The following SPINK14 variants were observed in gnomAD, a reference collection of about 807,000 sequenced individuals.
SPINK14 encodes serine peptidase inhibitor Kazal type 14 (putative).
Under a neutral mutation model 14.2 loss-of-function variants are expected in SPINK14, and 6 were observed. The ratio of observed to expected loss-of-function variants is 0.42; its 90% CI spans 0.23 to 0.83. The LOEUF (loss-of-function observed/expected upper bound fraction) is 0.83, where lower values mean the gene tolerates loss of function less well. SPINK14 is among the 40% of genes least tolerant of loss of function. SPINK14 has a pLI of 0.28. For synonymous variants in SPINK14, 34 were observed against 36.8 expected (o/e 0.92, Z 0.27); for missense variants, 86 against 108.3 (o/e 0.79, Z 0.91).
rs2113283776 is a variant in SPINK14 at position 148,174,436 on chromosome 5, C to T, written c.248+66C>T. ...GTTATCCACAGCAATTACCATCTACCCTTCCTATCAAGTACATCAACCTTG... is the reference window on the plus strand; with the variant it reads ...GTTATCCACAGCAATTACCATCTACTCTTCCTATCAAGTACATCAACCTTG... On this transcript the variant is annotated intron_variant, in intron 4 of 4. Transcript: ENST00000356972. 2.2e-6 allele frequency: 2 copies of T among 906,276 alleles called. 1 individual carries two copies. Among genetic ancestry groups the T allele is most frequent in the Non-Finnish European group, 3.1e-6 (2 of 637,686 alleles). 56.1% of individuals were successfully genotyped at this position (906,276 alleles called of 1,614,324 possible).
intron 2 of SPINK14, among the ~76,000 whole-genome samples, chr5:148,170,412 G>A (rs1015268983): frequency 3.3e-5 from 5 of 152,114 alleles, no homozygotes; most frequent in Middle Eastern, 6.8e-3. Context: ...GATTTGCTGT[G>A]TATTTGACTG....
At position 148,173,633 on chromosome 5, in the gene SPINK14, T is replaced by A. The variant is rs989739528; in HGVS notation, c.112-601T>A. Among the ~76,000 whole-genome samples the A allele has an allele frequency of 4.1e-5, 4 of 96,748 alleles. 1 individual carries two copies. Among genetic ancestry groups the A allele is most frequent in the African/African-American group, 1.7e-4 (4 of 23,442 alleles). The allele number at this position is 96,748 out of a possible 152,430, so 63.5% of individuals were successfully genotyped here. ...CTAATAATTGGGGCATAAAGAAGAC[T>A]GAGAGAGAAGCCCCAGATAAATAAT... On this transcript the variant is annotated intron_variant, in intron 3 of 4. Transcript: ENST00000356972.
At position 148,171,807 on chromosome 5, in the gene SPINK14, A is replaced by C. The variant is rs552405269; in HGVS notation, c.111+834A>C. On this transcript the variant is annotated intron_variant, in intron 3 of 4. Coordinates refer to ENST00000356972, the MANE Select transcript of SPINK14 (RefSeq NM_001001325.2). ...AGCTTGTCAGAGGCTACTGCCCCAG[A>C]AAATATCTGCAGAATTTGTCCAGGA... Among the ~76,000 whole-genome samples the C allele has an allele frequency of 5.3e-5, 8 of 152,262 alleles. No individual in the cohort carries two copies. The East Asian group carries it at 1.5e-3, about 29-fold the overall frequency.
Position 148,175,438 on chromosome 5 carries a change from T to C in SPINK14, c.*40T>C, listed in dbSNP as rs780645163. 1.3e-5 allele frequency: 4 copies of C among 304,490 alleles called. No individual in the cohort carries two copies. In the East Asian group the frequency reaches 2.8e-4, roughly 21 times the overall value. The allele number at this position is 304,490 out of a possible 1,614,324, so 18.9% of individuals were successfully genotyped here. A position where few individuals can be genotyped will look rare whatever the true frequency, so the allele number is the denominator to read the frequency against. ...ATGTGGAAGATATCTTCTTTTTTTT[T>C]TCCTCCATGTCTCCAATCTCCCTCT... On this transcript the variant is annotated 3_prime_UTR_variant, in exon 5 of 5. Transcript: ENST00000356972.
At position 148,172,613 on chromosome 5, in the gene SPINK14, G is replaced by A. The variant is rs889078273; in HGVS notation, c.112-1621G>A. Among the ~76,000 whole-genome samples, 7 of 152,016 alleles carry A rather than the reference G, an allele frequency of 4.6e-5. No individual in the cohort carries two copies. In the East Asian group the frequency reaches 1.3e-3, roughly 29 times the overall value. On this transcript the variant is annotated intron_variant, in intron 3 of 4. Transcript: ENST00000356972. ...CCCTTCTGGGCTTATACTCCTTTGG[G>A]GGTGTGGGATTAGTTAAATAATTAA...
intron 3 of SPINK14, among the ~76,000 whole-genome samples, chr5:148,173,348 C>T (rs1321908103): frequency 1.3e-5 from 2 of 152,080 alleles, no homozygotes; most frequent in Non-Finnish European, 2.9e-5. Flanking sequence ...AGAACTTCCC[C>T]CTGAAAACAA....
chr5:148,168,830 T>C (rs868715768), intron 1 of SPINK14, among the ~76,000 whole-genome samples: 7 of 152,296 alleles, frequency 4.6e-5, no homozygotes, highest in Middle Eastern at 3.4e-3. Flanking sequence ...TTTAATGTCT[T>C]AAGTAACACC....
rs777761859 is a variant in SPINK14 at position 148,169,766 on chromosome 5, T to C, written c.34T>C (p.Ser12Pro). The change falls in exon 2 of 5, where the codon TCC (serine) becomes CCC (proline). Residue 12 changes from serine (S) to proline (P), a missense_variant. Physicochemically the swap from Ser to Pro is moderately conservative, Grantham distance 74. Transcript: ENST00000356972. ...ATCTTTCCCAGTATTCTCACTTTTGTCCTTTATCTTGATACATTTGGTGTT... is the reference window on the plus strand; with the variant it reads ...ATCTTTCCCAGTATTCTCACTTTTGCCCTTTATCTTGATACATTTGGTGTT... ...AKSFPVFSLLSFILIHLVLSS... is the reference protein window; with the variant it reads ...AKSFPVFSLLPFILIHLVLSS... 7.5e-6 allele frequency: 12 copies of C among 1,610,356 alleles called. No homozygotes were observed. Among genetic ancestry groups the C allele is most frequent in the Non-Finnish European group, 1.0e-5 (12 of 1,178,242 alleles).
Position 148,175,480 on chromosome 5 carries a change from C to T in SPINK14, c.*82C>T. On this transcript the variant is annotated 3_prime_UTR_variant, in exon 5 of 5. Transcript: ENST00000356972. ...TCTCCCTCTTGCGCTTTTTACATCT[C>T]CTTGCATTTGTTCTTCATGACAAAG... The T allele has an allele frequency of 9.7e-7, 1 of 1,025,998 alleles. No homozygotes were observed. Among genetic ancestry groups the T allele is most frequent in the South Asian group, 1.4e-5 (1 of 71,268 alleles). 63.6% of individuals were successfully genotyped at this position (1,025,998 alleles called of 1,614,324 possible).
At chr5:148,172,831 T>A (rs911260928) in intron 3 of SPINK14, among the ~76,000 whole-genome samples, 6 of 151,794 alleles carry the variant, frequency 4.0e-5, no homozygotes, top group African/African-American at 1.2e-4. Context: ...GAGGGAAAGA[T>A]AAAGAATTTA....
At chr5:148,169,830 T>C (rs771678851) in intron 2 of SPINK14, 31 bp downstream of exon 2, 6 of 1,578,160 alleles carry the variant, frequency 3.8e-6, no homozygotes, top group Middle Eastern at 1.7e-4. Flanking sequence ...TGGCCAGCAG[T>C]TGAAATTGAT....
chr5:148,169,111 G>C (rs1755067632), intron 1 of SPINK14, among the ~76,000 whole-genome samples: 1 of 152,072 alleles, frequency 6.6e-6, no homozygotes, highest in Non-Finnish European at 1.5e-5. Context: ...AAATAGCTGT[G>C]GGACCCCAGT....
rs1311017815 is a variant in SPINK14, at chr5:148,173,785, G to C, written c.112-449G>C. Among the ~76,000 whole-genome samples, 4 of 94,296 alleles carry C rather than the reference G, an allele frequency of 4.2e-5. 2 individuals are homozygous for C. The highest frequency in any genetic ancestry group is 1.8e-4 in the African/African-American group (4 of 22,738). The allele number at this position is 94,296 out of a possible 152,430, so 61.9% of individuals were successfully genotyped here. A position where few individuals can be genotyped will look rare whatever the true frequency, so the allele number is the denominator to read the frequency against. ...CCAAATGGGATATATATAGGTTCTA[G>C]TTCCATGGCTTTGTGGAGATGGGAA... is the stretch of plus-strand genomic sequence containing the variant. On this transcript the variant is annotated intron_variant, in intron 3 of 4. Coordinates refer to ENST00000356972, the MANE Select transcript of SPINK14 (RefSeq NM_001001325.2).
At chr5:148,170,191 C>T (rs1376812816) in intron 2 of SPINK14, among the ~76,000 whole-genome samples, 3 of 146,124 alleles carry the variant, frequency 2.1e-5, no homozygotes, top group African/African-American at 7.9e-5. Flanking sequence ...CACACACACA[C>T]ACACATACAT....
intron 3 of SPINK14, among the ~76,000 whole-genome samples, chr5:148,171,341 C>T (rs993722516): frequency 4.6e-5 from 7 of 152,118 alleles, no homozygotes; most frequent in African/African-American, 1.7e-4. Flanking sequence ...AAGAATGCTC[C>T]TAAATGTCTT....
chr5:148,170,113 ACT>A (rs1256634410), intron 2 of SPINK14, among the ~76,000 whole-genome samples: 5 of 148,716 alleles, frequency 3.4e-5, no homozygotes, highest in African/African-American at 1.2e-4. Flanking sequence ...GTATATATAT[ACT>A]CTGAGTATAC....
intron 2 of SPINK14, 31 bp downstream of exon 2, chr5:148,169,830 T>G (rs771678851): frequency 6.3e-7 from 1 of 1,578,276 alleles, no homozygotes; most frequent in Non-Finnish European, 8.7e-7. Context: ...TGGCCAGCAG[T>G]TGAAATTGAT....
In SPINK14 at chr5:148,169,674, G is replaced by T; in HGVS notation, c.-59G>T. Reference sequence around the variant, plus strand: ...TCTCTACTTTAGTGATTGTATTAGAGGGCAACAACCTGAGACAATATTTCA... The same window carrying T: ...TCTCTACTTTAGTGATTGTATTAGATGGCAACAACCTGAGACAATATTTCA... On this transcript the variant is annotated 5_prime_UTR_variant, in exon 2 of 5. The change creates a new upstream start codon in the 5' untranslated region. Transcript: ENST00000356972. The T allele has an allele frequency of 2.1e-6, 3 of 1,414,596 alleles. No individual in the cohort carries two copies. The highest frequency in any genetic ancestry group is 3.0e-6 in the Non-Finnish European group (3 of 1,007,584). The allele number at this position is 1,414,596 out of a possible 1,614,324, so 87.6% of individuals were successfully genotyped here.
At chr5:148,172,386 A>AAGAG (rs370620148) in intron 3 of SPINK14, among the ~76,000 whole-genome samples, 1 of 151,586 alleles carries the variant, frequency 6.6e-6, no homozygotes, top group Non-Finnish European at 1.5e-5. Context: ...ACTTCCTCCA[A>AAGAG]AGAGAGAGAG....
Sources: allele counts gnomAD v4.1 joint callset (sites outside exome capture counted in the v4.1 genomes callset), GRCh38; gene constraint gnomAD v4.1.1; transcripts MANE v1.5; gene names NCBI Gene and HGNC (gene_info 2026-07-23, HGNC 2026-07-21).